GABRA4: variants seen among roughly 807,000 people sequenced by gnomAD.
The protein encoded by GABRA4 is gamma-aminobutyric acid type A receptor subunit alpha4.
In GABRA4, 12 loss-of-function variants were observed where a neutral mutation model predicts 49.7. The observed-to-expected ratio is 0.24, with a 90% CI of 0.15 to 0.39. The LOEUF is 0.39. GABRA4 is among the 10% of genes least tolerant of loss of function. The pLI is 1.00. For synonymous variants in GABRA4, 288 were observed against 240.2 expected (o/e 1.20, Z -1.84); for missense variants, 506 against 686.0 (o/e 0.74, Z 2.93).
At chr4:46,989,947 C>T (rs939261380) in intron 2 of GABRA4, among the ~76,000 whole-genome samples, 1 of 152,194 alleles carries the variant, frequency 6.6e-6, no homozygotes, top group Non-Finnish European at 1.5e-5. Flanking sequence ...TGAAGTTTCT[C>T]ATTGTTTTCA....
Position 46,924,290 on chromosome 4 carries a change from AT to A in GABRA4, c.*3934del, listed in dbSNP as rs1162872547. 2.0e-5 allele frequency: 3 copies of A among 152,112 alleles called. No individual in the cohort carries two copies. The highest frequency in any genetic ancestry group is 4.4e-5 in the Non-Finnish European group (3 of 67,996). The allele number at this position is 152,112 out of a possible 1,614,324, so 9.4% of individuals were successfully genotyped here. ...TTTGCATTAATTTTGAGTTTTAAAA[AT>A]ATTCACTTAAATATTAGGTATCTTG... On this transcript the variant is annotated 3_prime_UTR_variant, in exon 9 of 9. Transcript: ENST00000264318.
At chr4:46,943,982 G>C (rs763190930) in intron 8 of GABRA4, among the ~76,000 whole-genome samples, 39 of 152,008 alleles carry the variant, frequency 2.6e-4, no homozygotes, top group South Asian at 8.3e-4. Context: ...TGTGGGCCAG[G>C]GGGGAATGAG....
intron 8 of GABRA4, among the ~76,000 whole-genome samples, chr4:46,929,644 C>A (rs1721358435): frequency 6.6e-6 from 1 of 152,024 alleles, no homozygotes; most frequent in African/African-American, 2.4e-5. Context: ...ATAGATTCTC[C>A]ATGCTAATGA....
chr4:46,934,941 A>G (rs1721557950), intron 8 of GABRA4, among the ~76,000 whole-genome samples: 1 of 152,200 alleles, frequency 6.6e-6, no homozygotes, highest in South Asian at 2.1e-4. Context: ...TGCCGCCAAC[A>G]TAACCCTGGA....
At chr4:46,980,593 T>A (rs1723323724) in intron 2 of GABRA4, among the ~76,000 whole-genome samples, 1 of 152,092 alleles carries the variant, frequency 6.6e-6, no homozygotes, top group South Asian at 2.1e-4. Context: ...AAAGTCTGAA[T>A]CAGGCTTAGC....
In GABRA4 at chr4:46,921,944, A is replaced by G. The variant is rs1374134928; in HGVS notation, c.*6281T>C. 2 of 152,108 alleles carry G rather than the reference A, an allele frequency of 1.3e-5. No individual in the cohort carries two copies. Among genetic ancestry groups the G allele is most frequent in the African/African-American group, 4.8e-5 (2 of 41,436 alleles). The allele number at this position is 152,108 out of a possible 1,614,324, so 9.4% of individuals were successfully genotyped here. ...CAGGATGTAGATTTCAATAAGTATC[A>G]TTATCCTGCGATGTTTCAAACAAAG... On this transcript the variant is annotated 3_prime_UTR_variant, in exon 9 of 9. Transcript: ENST00000264318.
chr4:46,928,435 C>T lies in GABRA4; in HGVS notation c.1455G>A (p.Arg485=), dbSNP rs1721313466. 1 of 1,613,614 alleles carries T rather than the reference C, an allele frequency of 6.2e-7. No homozygotes were observed. The highest frequency in any genetic ancestry group is 1.3e-5 in the African/African-American group (1 of 74,998). ...TRHVFGSRLQ[R]IKTTVNTIGA... is the part of the protein sequence containing the mutation. ...CTATGGTATTAACTGTGGTCTTTAT[C>T]CTCTGCAGTCTTGATCCAAACACGT... is the stretch of plus-strand genomic sequence containing the variant. Residue 485 remains arginine (R), a synonymous_variant, in exon 9 of 9, where the codon AGG becomes AGA. Coordinates refer to ENST00000264318, the MANE Select transcript of GABRA4 (RefSeq NM_000809.4).
chr4:46,932,542 ATAGAG>A (rs773861358), intron 8 of GABRA4, among the ~76,000 whole-genome samples: 40 of 152,150 alleles, frequency 2.6e-4, no homozygotes, highest in Non-Finnish European at 2.1e-4. Flanking sequence ...CAATGTCATA[ATAGAG>A]TATTGTTTAA....
chr4:46,981,439 T>C (rs1260142817), intron 2 of GABRA4, among the ~76,000 whole-genome samples: 1 of 152,142 alleles, frequency 6.6e-6, no homozygotes, highest in Non-Finnish European at 1.5e-5. Context: ...ATTATAACCT[T>C]AGCATTTGTG....
intron 8 of GABRA4, among the ~76,000 whole-genome samples, chr4:46,957,401 A>G (rs1166168947): frequency 6.6e-6 from 1 of 152,034 alleles, no homozygotes; most frequent in Admixed American, 6.6e-5. Flanking sequence ...TAGAATTGTA[A>G]GAATCTATGG....
chr4:46,976,901 T>A (rs911954730), intron 5 of GABRA4, among the ~76,000 whole-genome samples, 160 bp downstream of exon 5: 9 of 151,882 alleles, frequency 5.9e-5, no homozygotes, highest in Non-Finnish European at 1.2e-4. Context: ...TATTTCTTTA[T>A]TATAAAATAT....
intron 8 of GABRA4, among the ~76,000 whole-genome samples, chr4:46,930,957 GA>G (rs1042151357): frequency 6.6e-6 from 1 of 151,414 alleles, no homozygotes; most frequent in Non-Finnish European, 1.5e-5. Context: ...GGAAAAAACA[GA>G]AAAAAACTGG....
rs376950250 is a variant in GABRA4, at chr4:46,971,068, A to G, written c.874+15T>C. 3.1e-6 allele frequency: 5 copies of G among 1,595,608 alleles called. No individual in the cohort carries two copies. Among genetic ancestry groups the G allele is most frequent in the African/African-American group, 2.7e-5 (2 of 73,558 alleles). On this transcript the variant is annotated intron_variant, in intron 7 of 8. Transcript: ENST00000264318. ...TAATGTGAACAAAAACGCCCAAGAA[A>G]TGAATTGCAATTACCAAATACAGTC...
intron 8 of GABRA4, among the ~76,000 whole-genome samples, chr4:46,934,057 A>G (rs1721528943): frequency 6.6e-6 from 1 of 152,210 alleles, no homozygotes; most frequent in Admixed American, 6.6e-5. Flanking sequence ...AATGAGATAA[A>G]GTGACTAAGA....
chr4:46,984,696 G>A (rs897509438), intron 2 of GABRA4, among the ~76,000 whole-genome samples: 8 of 151,844 alleles, frequency 5.3e-5, no homozygotes, highest in South Asian at 2.1e-4. Context: ...ATTCAACCAC[G>A]TTAAAACATA....
chr4:46,975,710 A>G (rs554970966), intron 5 of GABRA4, among the ~76,000 whole-genome samples: 3 of 152,038 alleles, frequency 2.0e-5, no homozygotes, highest in African/African-American at 7.2e-5. Context: ...GCTTTTTCTG[A>G]GAACTAGAGG....
At chr4:46,948,269 A>G (rs1021069644) in intron 8 of GABRA4, among the ~76,000 whole-genome samples, 1 of 152,182 alleles carries the variant, frequency 6.6e-6, no homozygotes, top group South Asian at 2.1e-4. Flanking sequence ...TACCCTGAAA[A>G]TAATCAGATT....
chr4:46,932,914 G>T (rs1014763667), intron 8 of GABRA4, among the ~76,000 whole-genome samples: 8 of 152,118 alleles, frequency 5.3e-5, no homozygotes, highest in Non-Finnish European at 1.0e-4. Flanking sequence ...GCTTTTGACA[G>T]TTGGAAAACT....
At position 46,931,880 on chromosome 4, in the gene GABRA4, C is replaced by T. The variant is rs147761280; in HGVS notation, c.1135-3125G>A. Among the ~76,000 whole-genome samples, 591 of 152,186 alleles carry T rather than the reference C, an allele frequency of 3.9e-3. 6 individuals are homozygous for T. The highest frequency in any genetic ancestry group is 0.014 in the African/African-American group (576 of 41,514). On this transcript the variant is annotated intron_variant, in intron 8 of 8. Transcript: ENST00000264318. The stretch of plus-strand genomic sequence containing the variant: ...GCTGACACTAGATTCATGAGTGTTC[C>T]GTTAAGAGAAAATGAGCTGCCCGAG...
Sources: gnomAD v4.1 joint callset for allele counts (sites outside exome capture counted in the v4.1 genomes callset) on GRCh38, gnomAD v4.1.1 for gene constraint, MANE v1.5 for transcripts, NCBI Gene and HGNC (gene_info 2026-07-23, HGNC 2026-07-21) for gene names.